Variants in ADAMTS17 observed in about 807,000 individuals in gnomAD.
The protein encoded by ADAMTS17 is ADAM metallopeptidase with thrombospondin type 1 motif 17, also known as A disintegrin and metalloproteinase with thrombospondin motifs 17.
A neutral mutation model predicts 141.5 loss-of-function variants in ADAMTS17; 113 were observed. The ratio of observed to expected loss-of-function variants is 0.80; its 90% CI spans 0.69 to 0.93. The LOEUF (loss-of-function observed/expected upper bound fraction) is 0.93, where lower values mean the gene tolerates loss of function less well. ADAMTS17 is among the 40% of genes least tolerant of loss of function. The pLI, the probability that ADAMTS17 is intolerant of heterozygous loss-of-function variation, is 0.00. For synonymous variants in ADAMTS17, 768 were observed against 630.6 expected (o/e 1.22, Z -3.27); for missense variants, 1,659 against 1,517.9 (o/e 1.09, Z -1.54).
intron 8 of ADAMTS17, among the ~76,000 whole-genome samples, chr15:100,193,687 G>A (rs930910504): frequency 3.9e-5 from 6 of 152,198 alleles, no homozygotes; most frequent in Admixed American, 6.5e-5. Flanking sequence ...CTCCTGCTGC[G>A]CGTCACTGCC....
At chr15:100,106,503 A>C (rs139521569) in intron 14 of ADAMTS17, among the ~76,000 whole-genome samples, 1 of 152,350 alleles carries the variant, frequency 6.6e-6, no homozygotes, top group African/African-American at 2.4e-5. Flanking sequence ...CTAGTTGAAA[A>C]GGCTGTGATT....
At chr15:100,162,901 T>C (rs2039784989) in intron 8 of ADAMTS17, among the ~76,000 whole-genome samples, 1 of 146,310 alleles carries the variant, frequency 6.8e-6, no homozygotes, top group Non-Finnish European at 1.5e-5. Context: ...TATATAGAAC[T>C]ATATATGTAT....
At chr15:100,060,581 C>T (rs533913276) in intron 15 of ADAMTS17, among the ~76,000 whole-genome samples, 5 of 152,228 alleles carry the variant, frequency 3.3e-5, no homozygotes, top group Non-Finnish European at 7.3e-5. Context: ...CATGGAGCTG[C>T]ACAGAAGCCC....
intron 12 of ADAMTS17, among the ~76,000 whole-genome samples, chr15:100,122,845 T>A (rs1024438986): frequency 6.6e-6 from 1 of 152,178 alleles, no homozygotes; most frequent in African/African-American, 2.4e-5. Flanking sequence ...GGTCTTGCTG[T>A]CTCAGGAGCA....
intron 18 of ADAMTS17, among the ~76,000 whole-genome samples, chr15:100,021,686 G>A (rs1158925340): frequency 6.6e-6 from 1 of 152,170 alleles, no homozygotes; most frequent in East Asian, 1.9e-4. Flanking sequence ...CTGTTTTCAG[G>A]AATATATGCA....
intron 8 of ADAMTS17, among the ~76,000 whole-genome samples, chr15:100,197,073 A>G (rs1185204794): frequency 6.6e-6 from 1 of 152,204 alleles, no homozygotes; most frequent in Non-Finnish European, 1.5e-5. Context: ...GAATCTAACC[A>G]TTCATCTTTG....
intron 7 of ADAMTS17, 60 bp from the exon 8 acceptor site, chr15:100,199,483 G>A (rs1259296922): frequency 1.4e-6 from 2 of 1,415,144 alleles, no homozygotes; most frequent in East Asian, 4.6e-5. Context: ...GTCTCACCGG[G>A]CAAGTCCGCA....
intron 18 of ADAMTS17, among the ~76,000 whole-genome samples, chr15:100,044,022 C>T (rs2031483052): frequency 6.6e-6 from 1 of 152,234 alleles, no homozygotes; most frequent in African/African-American, 2.4e-5. Context: ...ACATGATCTT[C>T]TGGTTTCAGT....
chr15:100,270,973 A>G (rs943090490), intron 4 of ADAMTS17, among the ~76,000 whole-genome samples: 3 of 151,320 alleles, frequency 2.0e-5, no homozygotes, highest in Non-Finnish European at 4.4e-5. Context: ...TGAATTCACT[A>G]CCCTACGTAA....
At chr15:100,069,433 C>T (rs986346205) in intron 15 of ADAMTS17, among the ~76,000 whole-genome samples, 8 of 152,246 alleles carry the variant, frequency 5.3e-5, no homozygotes, top group Non-Finnish European at 1.0e-4. Context: ...CTCCAAGACA[C>T]ATAATTGTCA....
At chr15:100,282,418 C>T (rs759742181) in intron 3 of ADAMTS17, among the ~76,000 whole-genome samples, 3 of 152,186 alleles carry the variant, frequency 2.0e-5, no homozygotes, top group Non-Finnish European at 4.4e-5. Context: ...ACAGACAGTA[C>T]CGAGCCCTAC....
intron 3 of ADAMTS17, among the ~76,000 whole-genome samples, chr15:100,297,581 G>T (rs773338427): frequency 6.6e-5 from 10 of 152,174 alleles, no homozygotes; most frequent in African/African-American, 9.7e-5. Context: ...CACTGACCTG[G>T]ATGAATGGGG....
chr15:100,251,454 A>C (rs1309536473), intron 7 of ADAMTS17, among the ~76,000 whole-genome samples: 1 of 152,256 alleles, frequency 6.6e-6, no homozygotes, highest in Non-Finnish European at 1.5e-5. Context: ...GGCCGGGCGC[A>C]GTGGCTCATG....
At position 100,133,750 on chromosome 15, in the gene ADAMTS17, G is replaced by C. The variant is rs535073609; in HGVS notation, c.1474-435C>G. On this transcript the variant is annotated intron_variant, in intron 10 of 21. Coordinates refer to ENST00000268070, the MANE Select transcript of ADAMTS17 (RefSeq NM_139057.4). ...AGGGCTTGCTGGAAGAGGCAACTCT[G>C]AAGTCAAGGCCAGATGGGTAGGCAA... Among the ~76,000 whole-genome samples, 7 of 152,338 alleles carry C rather than the reference G, an allele frequency of 4.6e-5. No individual in the cohort carries two copies. In the South Asian group the frequency reaches 1.0e-3, roughly 23 times the overall value.
chr15:100,126,839 C>A (rs74039606), intron 12 of ADAMTS17, among the ~76,000 whole-genome samples: 2,867 of 152,256 alleles, frequency 0.019, 96 homozygotes, highest in African/African-American at 0.064. Context: ...CTGTCCCGGG[C>A]CTGCACAGAG....
intron 7 of ADAMTS17, among the ~76,000 whole-genome samples, chr15:100,203,077 G>A (rs2041396956): frequency 6.6e-6 from 1 of 152,192 alleles, no homozygotes; most frequent in Non-Finnish European, 1.5e-5. Flanking sequence ...TGCCTCTAAT[G>A]GGCTTGACTG....
intron 17 of ADAMTS17, among the ~76,000 whole-genome samples, chr15:100,050,938 A>G (rs1464735394): frequency 6.6e-6 from 1 of 152,150 alleles, no homozygotes; most frequent in African/African-American, 2.4e-5. Context: ...AATAAACACA[A>G]TGCCTTTTGG....
At chr15:100,304,649 G>T (rs1240087465) in intron 3 of ADAMTS17, among the ~76,000 whole-genome samples, 1 of 151,958 alleles carries the variant, frequency 6.6e-6, no homozygotes, top group African/African-American at 2.4e-5. Flanking sequence ...GCCTCCTGAG[G>T]GACTACCTCA....
At chr15:100,036,565 G>C (rs537842215) in intron 18 of ADAMTS17, among the ~76,000 whole-genome samples, 1 of 152,186 alleles carries the variant, frequency 6.6e-6, no homozygotes, top group Non-Finnish European at 1.5e-5. Flanking sequence ...GCCTGCAACC[G>C]TAAGTGCGCA....
Sources: gnomAD v4.1 joint callset for allele counts (sites outside exome capture counted in the v4.1 genomes callset) on GRCh38, gnomAD v4.1.1 for gene constraint, MANE v1.5 for transcripts, NCBI Gene and HGNC (gene_info 2026-07-23, HGNC 2026-07-21) for gene names.